PAQR3: variants seen among roughly 807,000 people sequenced by gnomAD.
The protein encoded by PAQR3 is progestin and adipoQ receptor family member 3, also known as Raf kinase trapping to Golgi.
PAQR3 carries 39 observed loss-of-function variants against 41.7 expected under a neutral mutation model. The observed-to-expected ratio is 0.93, with a 90% CI of 0.72 to 1.22. The LOEUF (loss-of-function observed/expected upper bound fraction) is 1.22. PAQR3 is among the 50% of genes most tolerant of loss of function. The pLI, the probability that PAQR3 is intolerant of heterozygous loss-of-function variation, is 0.00. For missense variants in PAQR3, 366 were observed against 385.6 expected, an observed-to-expected ratio of 0.95 and a Z score of 0.42; for synonymous variants, 140 against 140.6, an observed-to-expected ratio of 1.00 and a Z score of 0.03.
intron 11 of PAQR3, among the ~76,000 whole-genome samples, chr4:78,901,371 G>C (rs1289689217): frequency 6.6e-6 from 1 of 151,944 alleles, no homozygotes; most frequent in Non-Finnish European, 1.5e-5. Context: ...CAAACTTCTT[G>C]TAAAATTTAT....
chr4:78,932,748 A>C (rs1737032634), intron 2 of PAQR3, among the ~76,000 whole-genome samples: 1 of 152,204 alleles, frequency 6.6e-6, no homozygotes, highest in African/African-American at 2.4e-5. Flanking sequence ...ATGGTATCCA[A>C]GGGAAAAGTA....
intron 3 of PAQR3, among the ~76,000 whole-genome samples, chr4:78,929,905 CATT>C (rs1277389841): frequency 6.6e-6 from 1 of 152,052 alleles, no homozygotes; most frequent in Non-Finnish European, 1.5e-5. Context: ...TTAGTGAAAA[CATT>C]AATAATTTAA....
rs1735292721 is a variant in PAQR3, at chr4:78,918,278, A to G, written c.*2261T>C. The G allele has an allele frequency of 1.1e-6, 1 of 936,992 alleles. No individual in the cohort carries two copies. The highest frequency in any genetic ancestry group is 1.8e-5 in the African/African-American group (1 of 56,220). The allele number at this position is 936,992 out of a possible 1,614,324, so 58.0% of individuals were successfully genotyped here. A position where few individuals can be genotyped will look rare whatever the true frequency, so the allele number is the denominator to read the frequency against. The stretch of plus-strand genomic sequence containing the variant: ...ATAAAAACAAAAATAACTTAAATAT[A>G]CATCATTACAAGGCTCAGATTTGTA... On this transcript the variant is annotated 3_prime_UTR_variant, in exon 6 of 6. Transcript: ENST00000512733.
chr4:78,914,874 A>G lies in PAQR3; in HGVS notation c.*5665T>C, dbSNP rs1734912113. 1.3e-5 allele frequency: 2 copies of G among 151,992 alleles called. No homozygotes were observed. The highest frequency in any genetic ancestry group is 4.8e-5 in the African/African-American group (2 of 41,420). The allele number at this position is 151,992 out of a possible 1,614,324, so 9.4% of individuals were successfully genotyped here. A position where few individuals can be genotyped will look rare whatever the true frequency, so the allele number is the denominator to read the frequency against. The stretch of plus-strand genomic sequence containing the variant: ...TGAAGCTAGCAAAAATCTTGAGGCC[A>G]AAGTTGTTTCTTAACAGCTTTAATA... On this transcript the variant is annotated 3_prime_UTR_variant, in exon 6 of 6. Coordinates refer to ENST00000512733, the MANE Select transcript of PAQR3 (RefSeq NM_001040202.2).
At chr4:78,888,745 T>C (rs1733245784) in intron 11 of PAQR3, among the ~76,000 whole-genome samples, 1 of 152,234 alleles carries the variant, frequency 6.6e-6, no homozygotes, top group Admixed American at 6.5e-5. Flanking sequence ...CTGTTTACTA[T>C]GGGTATTTAT....
At chr4:78,911,118 A>G (rs2110110215), downstream of PAQR3, 1 of 1,613,960 alleles carries the variant, frequency 6.2e-7, no homozygotes, top group Middle Eastern at 1.7e-4. Flanking sequence ...AGTTTGATGT[A>G]TTTGGCGCTG....
In PAQR3 at chr4:78,917,032, CA is replaced by C. The variant is rs2110123201; in HGVS notation, c.*3506del. 6.6e-6 allele frequency: 1 copy of C among 151,792 alleles called. No individual in the cohort carries two copies. Among genetic ancestry groups the C allele is most frequent in the African/African-American group, 2.4e-5 (1 of 41,458 alleles). 9.4% of individuals were successfully genotyped at this position (151,792 alleles called of 1,614,324 possible). On this transcript the variant is annotated 3_prime_UTR_variant, in exon 6 of 6. Coordinates refer to ENST00000512733, the MANE Select transcript of PAQR3 (RefSeq NM_001040202.2). The stretch of plus-strand genomic sequence containing the variant: ...TTTAATGAAAATGAATGGTACAAAG[CA>C]AAATAACACAAATGATTAGAAAAGT...
intron 11 of PAQR3, among the ~76,000 whole-genome samples, chr4:78,894,626 CTCCATA>C (rs1298657683): frequency 6.6e-6 from 1 of 152,228 alleles, no homozygotes; most frequent in East Asian, 1.9e-4. Context: ...TTAAAATTTT[CTCCATA>C]TCAGCAGTAA....
At chr4:78,926,452 C>T in intron 4 of PAQR3, 69 bp downstream of exon 4, 3 of 1,404,974 alleles carry the variant, frequency 2.1e-6, no homozygotes, top group Non-Finnish European at 2.0e-6. Context: ...GATTATACTA[C>T]TTTACCCAAA....
chr4:78,927,260 A>G (rs1736337461), intron 3 of PAQR3, among the ~76,000 whole-genome samples: 1 of 152,188 alleles, frequency 6.6e-6, no homozygotes, highest in African/African-American at 2.4e-5. Flanking sequence ...AGTTTTGAGA[A>G]AAAAGGCTAA....
chr4:78,889,741 T>C (rs1300961275), intron 11 of PAQR3, among the ~76,000 whole-genome samples: 1 of 152,214 alleles, frequency 6.6e-6, no homozygotes, highest in Non-Finnish European at 1.5e-5. Context: ...CAGGTGTATG[T>C]GTGTATATAC....
At position 78,939,398 on chromosome 4, in the gene PAQR3, G is replaced by C. The variant is rs572644465; in HGVS notation, c.-174C>G. 2.9e-4 allele frequency: 108 copies of C among 376,584 alleles called. 2 individuals are homozygous for C. In the East Asian group the frequency reaches 6.2e-3, roughly 22 times the overall value. The allele number at this position is 376,584 out of a possible 1,614,324, so 23.3% of individuals were successfully genotyped here. ...CTCTGCGCTCACACCGGCCACTGCC[G>C]CCAGCGCCGCGGCGGACCCGGCAGC... is the stretch of plus-strand genomic sequence containing the variant. On this transcript the variant is annotated 5_prime_UTR_variant, in exon 1 of 6. Coordinates refer to ENST00000512733, the MANE Select transcript of PAQR3 (RefSeq NM_001040202.2).
intron 5 of PAQR3, chr4:78,921,900 G>C: frequency 1.0e-6 from 1 of 984,836 alleles, no homozygotes; most frequent in Non-Finnish European, 1.2e-6. Context: ...TGCTACATAG[G>C]GCACATTTTA....
chr4:78,916,881 G>A lies in PAQR3; in HGVS notation c.*3658C>T, dbSNP rs924637547. 2.0e-5 allele frequency: 3 copies of A among 151,292 alleles called. No homozygotes were observed. Among genetic ancestry groups the A allele is most frequent in the Admixed American group, 1.3e-4 (2 of 15,166 alleles). 9.4% of individuals were successfully genotyped at this position (151,292 alleles called of 1,614,324 possible). A position where few individuals can be genotyped will look rare whatever the true frequency, so the allele number is the denominator to read the frequency against. The stretch of plus-strand genomic sequence containing the variant: ...AAGCTTGGCATCAAGGTTATAATAT[G>A]TATTATTCCAAAAACTGGAGTCTTT... On this transcript the variant is annotated 3_prime_UTR_variant, in exon 6 of 6. Coordinates refer to ENST00000512733, the MANE Select transcript of PAQR3 (RefSeq NM_001040202.2).
chr4:78,930,444 TTCTAGCTCTGTGCCTTACATGGC>T (rs1280853449), intron 2 of PAQR3, 119 bp from the exon 3 acceptor site: 14 of 1,057,158 alleles, frequency 1.3e-5, no homozygotes, highest in Non-Finnish European at 1.6e-5. Context: ...TGGGCTTGGA[TTCTAGCTCTGTGCCTTACATGGC>T]TACTGTAGAG....
At chr4:78,903,093 AGGTATTGTATTGTATT>A in intron 11 of PAQR3, among the ~76,000 whole-genome samples, 1 of 151,510 alleles carries the variant, frequency 6.6e-6, no homozygotes, top group East Asian at 1.9e-4. Context: ...TTTCCCACCA[AGGTATTGTATTGTATT>A]GTATGCCATA....
intron 2 of PAQR3, among the ~76,000 whole-genome samples, chr4:78,932,435 C>T (rs1737001217): frequency 6.6e-6 from 1 of 152,002 alleles, no homozygotes; most frequent in Non-Finnish European, 1.5e-5. Context: ...AAGGGCAGGT[C>T]GCAAAATAGC....
chr4:78,911,267 T>C, downstream of PAQR3: 1 of 1,613,884 alleles, frequency 6.2e-7, no homozygotes, highest in Non-Finnish European at 8.5e-7. Context: ...AGCAAGAAGG[T>C]GAATGTACAA....
chr4:78,897,564 C>A (rs1234237537), intron 11 of PAQR3, among the ~76,000 whole-genome samples: 1 of 152,120 alleles, frequency 6.6e-6, no homozygotes, highest in Non-Finnish European at 1.5e-5. Context: ...ACTTCATTTT[C>A]CTTGTAGATC....
Sources: allele counts gnomAD v4.1 joint callset (sites outside exome capture counted in the v4.1 genomes callset), GRCh38; gene constraint gnomAD v4.1.1; transcripts MANE v1.5; gene names NCBI Gene and HGNC (gene_info 2026-07-23, HGNC 2026-07-21).